Variants in RPA3 observed in about 807,000 individuals in gnomAD.
The protein encoded by RPA3 is replication protein A 14 kDa subunit.
In RPA3, 24 loss-of-function variants were observed where a neutral mutation model predicts 13.7. The ratio of observed to expected loss-of-function variants is 1.75; its 90% CI spans 1.27 to 2.46. The LOEUF (loss-of-function observed/expected upper bound fraction) is 2.46, where lower values mean the gene tolerates loss of function less well. Among genes scored for constraint, RPA3 ranks in the 30% most tolerant of loss-of-function variants. RPA3 has a pLI of 0.00. For missense variants in RPA3, 183 were observed against 151.0 expected (o/e 1.21, Z -1.11); for synonymous variants, 59 against 51.2 (o/e 1.15, Z -0.65).
In RPA3 at chr7:7,712,529, G is replaced by C. The variant is rs561115674; in HGVS notation, c.-1028+2646C>G. Among the ~76,000 whole-genome samples, 24 of 152,210 alleles carry C rather than the reference G, an allele frequency of 1.6e-4. No homozygotes were observed. The East Asian group carries it at 4.0e-3, about 26-fold the overall frequency. The stretch of plus-strand genomic sequence containing the variant: ...GTTGCCAGCATAGAAACATGTAGCT[G>C]ATACTTGTAGCAACCATCTTGATAA... On this transcript the variant is annotated intron_variant, in intron 2 of 7. Coordinates refer to ENST00000223129, the MANE Select transcript of RPA3 (RefSeq NM_002947.5).
intron 1 of RPA3, among the ~76,000 whole-genome samples, chr7:7,716,686 C>T (rs561307043): frequency 6.6e-6 from 1 of 152,374 alleles, no homozygotes; most frequent in South Asian, 2.1e-4. Flanking sequence ...TGGCTCACGC[C>T]TGTCATCCCA....
chr7:7,693,321 A>G (rs144797740), intron 2 of RPA3, among the ~76,000 whole-genome samples: 1 of 152,052 alleles, frequency 6.6e-6, no homozygotes, highest in African/African-American at 2.4e-5. Flanking sequence ...CTATCTATCT[A>G]TCTATCTATC....
intron 4 of RPA3, among the ~76,000 whole-genome samples, chr7:7,669,121 A>G (rs975546239): frequency 3.3e-5 from 5 of 152,088 alleles, no homozygotes; most frequent in Admixed American, 2.6e-4. Context: ...AAATGAAGCA[A>G]CATTACTTGG....
chr7:7,702,477 A>G (rs1053523246), intron 2 of RPA3, among the ~76,000 whole-genome samples: 4 of 152,088 alleles, frequency 2.6e-5, no homozygotes, highest in African/African-American at 9.7e-5. Context: ...TTTCAAGTAC[A>G]CTCCAATAGC....
chr7:7,663,153 A>G (rs1389982098), intron 4 of RPA3, among the ~76,000 whole-genome samples: 1 of 144,302 alleles, frequency 6.9e-6, no homozygotes, highest in African/African-American at 2.6e-5. Flanking sequence ...CTCTTCCCCT[A>G]CTTTTTTTTT....
intron 2 of RPA3, among the ~76,000 whole-genome samples, chr7:7,688,089 C>G (rs1780081623): frequency 6.6e-6 from 1 of 152,152 alleles, no homozygotes; most frequent in Non-Finnish European, 1.5e-5. Context: ...GGGCTGCATG[C>G]AGTGGTCTGG....
chr7:7,639,980 G>C, intron 5 of RPA3: 1 of 309,058 alleles, frequency 3.2e-6, no homozygotes, highest in Non-Finnish European at 6.1e-6. Flanking sequence ...CAGCAGATTA[G>C]TTTTGTCTGC....
At position 7,636,724 on chromosome 7, in the gene RPA3, C is replaced by T. The variant is rs1050689374; in HGVS notation, c.*276G>A. The T allele has an allele frequency of 1.2e-5, 4 of 325,782 alleles. No individual in the cohort carries two copies. The highest frequency in any genetic ancestry group is 9.8e-5 in the Admixed American group (2 of 20,372). The allele number at this position is 325,782 out of a possible 1,614,324, so 20.2% of individuals were successfully genotyped here. ...AAATGAAATGACCGATAGTACGTAC[C>T]ATTTTAGTTTTTATTAATAAAATAG... On this transcript the variant is annotated 3_prime_UTR_variant, in exon 8 of 8. Transcript: ENST00000223129.
intron 4 of RPA3, among the ~76,000 whole-genome samples, chr7:7,654,441 G>A (rs950988102): frequency 6.6e-6 from 1 of 152,114 alleles, no homozygotes; most frequent in African/African-American, 2.4e-5. Flanking sequence ...GTTATCCTTC[G>A]GTATCCCTAG....
chr7:7,662,718 G>GTTGA (rs1423605678), intron 4 of RPA3, among the ~76,000 whole-genome samples: 1 of 152,178 alleles, frequency 6.6e-6, no homozygotes, highest in Non-Finnish European at 1.5e-5. Flanking sequence ...CGCCTTCTGT[G>GTTGA]TTGATCTCAC....
intron 2 of RPA3, among the ~76,000 whole-genome samples, chr7:7,691,863 TA>T (rs1780179743): frequency 6.6e-6 from 1 of 152,232 alleles, no homozygotes; most frequent in African/African-American, 2.4e-5. Context: ...GAAGATTTTT[TA>T]GTTAAAATTT....
At chr7:7,677,071 T>C (rs1186510045) in intron 4 of RPA3, among the ~76,000 whole-genome samples, 3 of 152,178 alleles carry the variant, frequency 2.0e-5, no homozygotes, top group Non-Finnish European at 4.4e-5. Flanking sequence ...CATGGACACA[T>C]ACTTGCACAC....
intron 4 of RPA3, among the ~76,000 whole-genome samples, chr7:7,670,895 C>A (rs1779589494): frequency 6.6e-6 from 1 of 152,164 alleles, no homozygotes; most frequent in South Asian, 2.1e-4. Context: ...CAAGAATGTT[C>A]CTTAATTATG....
At chr7:7,680,339 A>G (rs1162553814) in intron 4 of RPA3, among the ~76,000 whole-genome samples, 2 of 152,118 alleles carry the variant, frequency 1.3e-5, no homozygotes, top group Non-Finnish European at 2.9e-5. Flanking sequence ...GTTGAAAATG[A>G]GTTCATTGTA....
chr7:7,642,329 T>G (rs1784993409), intron 4 of RPA3, among the ~76,000 whole-genome samples: 2 of 152,212 alleles, frequency 1.3e-5, no homozygotes, highest in Non-Finnish European at 2.9e-5. Flanking sequence ...TTGTTTGTTT[T>G]TTTTTGTTCA....
rs962332708 is a variant in RPA3 at position 7,715,200 on chromosome 7, T to A, written c.-1053A>T. On this transcript the variant is annotated 5_prime_UTR_variant, in exon 2 of 8. An upstream start codon of the reference 5' UTR is lost. Transcript: ENST00000223129. ...CTGAAACTATTGTATTCCCTGTGCA[T>A]TGTCTTCACATCCTTTTTCTGAGTA... is the stretch of plus-strand genomic sequence containing the variant. 2 of 152,238 alleles carry A rather than the reference T, an allele frequency of 1.3e-5. No homozygotes were observed. The highest frequency in any genetic ancestry group is 2.9e-5 in the Non-Finnish European group (2 of 68,048). 9.4% of individuals were successfully genotyped at this position (152,238 alleles called of 1,614,324 possible).
chr7:7,658,410 C>G (rs965803046), intron 4 of RPA3, among the ~76,000 whole-genome samples: 2 of 152,160 alleles, frequency 1.3e-5, no homozygotes, highest in Non-Finnish European at 2.9e-5. Context: ...GGAATGCTTC[C>G]AGTTTTTGCC....
chr7:7,706,340 C>A lies in RPA3; in HGVS notation c.-1028+8835G>T, dbSNP rs573794850. Among the ~76,000 whole-genome samples the A allele has an allele frequency of 5.3e-5, 8 of 152,184 alleles. 1 individual carries two copies. The highest frequency in any genetic ancestry group is 1.9e-4 in the African/African-American group (8 of 41,542). ...TAGTGAGGCTGCTCATGTTATCACC[C>A]TAGTCTGGGTTTGCTGGTTAGAGCA... On this transcript the variant is annotated intron_variant, in intron 2 of 7. Transcript: ENST00000223129.
chr7:7,673,436 A>G, intron 4 of RPA3: 1 of 922,110 alleles, frequency 1.1e-6, no homozygotes, highest in Non-Finnish European at 1.7e-6. Flanking sequence ...ACAGAAGCAG[A>G]TGGATTCGTC....
Sources: gnomAD v4.1 joint callset for allele counts (sites outside exome capture counted in the v4.1 genomes callset) on GRCh38, gnomAD v4.1.1 for gene constraint, MANE v1.5 for transcripts, NCBI Gene and HGNC (gene_info 2026-07-23, HGNC 2026-07-21) for gene names.